The following CCBE1 variants were observed in gnomAD, a reference collection of about 807,000 sequenced individuals.
CCBE1 encodes collagen and calcium binding EGF domains 1, also known as collagen and calcium-binding EGF domain-containing protein 1.
CCBE1 carries 37 observed loss-of-function variants against 50.0 expected under a neutral mutation model. That is an observed-to-expected ratio of 0.74 (90% CI 0.57 to 0.97). CCBE1 has a LOEUF of 0.97. CCBE1 is among the 50% of genes least tolerant of loss of function. The pLI is 0.00. For missense variants in CCBE1, 538 were observed against 523.8 expected (o/e 1.03, Z -0.26); for synonymous variants, 234 against 203.7 (o/e 1.15, Z -1.27).
chr18:59,439,959 A>G (rs1238386481), intron 7 of CCBE1, 143 bp from the exon 8 acceptor site: 2 of 864,864 alleles, frequency 2.3e-6, no homozygotes, highest in East Asian at 5.2e-5. Flanking sequence ...AGGCTGTCCC[A>G]CAGGCATTTT....
intron 5 of CCBE1, among the ~76,000 whole-genome samples, chr18:59,462,235 G>A (rs960224671): frequency 2.0e-5 from 3 of 152,098 alleles, no homozygotes; most frequent in Non-Finnish European, 4.4e-5. Flanking sequence ...TCTGGACTCC[G>A]GCCGCTTCAT....
chr18:59,560,371 T>A (rs931445209), intron 2 of CCBE1, among the ~76,000 whole-genome samples: 1 of 152,200 alleles, frequency 6.6e-6, no homozygotes, highest in Non-Finnish European at 1.5e-5. Context: ...ACACCGCATG[T>A]TCTCACTCAT....
At chr18:59,528,969 C>T (rs1310977629) in intron 2 of CCBE1, among the ~76,000 whole-genome samples, 2 of 152,182 alleles carry the variant, frequency 1.3e-5, no homozygotes, top group African/African-American at 4.8e-5. Context: ...ACCTGCTTAA[C>T]GAAGCACTCT....
At chr18:59,600,476 C>G (rs1021921737) in intron 2 of CCBE1, among the ~76,000 whole-genome samples, 2 of 152,140 alleles carry the variant, frequency 1.3e-5, no homozygotes, top group African/African-American at 4.8e-5. Context: ...CATCCCCAAA[C>G]CATCCCCCAC....
chr18:59,623,657 C>T (rs1212511693), intron 2 of CCBE1, among the ~76,000 whole-genome samples: 2 of 152,168 alleles, frequency 1.3e-5, no homozygotes, highest in East Asian at 3.9e-4. Flanking sequence ...GAGACCCTTG[C>T]TACAGATCAG....
chr18:59,663,489 C>T (rs1291316837), intron 2 of CCBE1, among the ~76,000 whole-genome samples: 1 of 152,140 alleles, frequency 6.6e-6, no homozygotes, highest in Non-Finnish European at 1.5e-5. Flanking sequence ...AAATTCTTCA[C>T]TGATGCTGCA....
chr18:59,439,786 A>G lies in CCBE1; in HGVS notation c.806T>C (p.Phe269Ser), dbSNP rs1046411835. 1.2e-6 allele frequency: 2 copies of G among 1,614,040 alleles called. No individual in the cohort carries two copies. Among genetic ancestry groups the G allele is most frequent in the Admixed American group, 3.3e-5 (2 of 60,022 alleles). Residue 269 changes from phenylalanine (F) to serine (S), a missense_variant, in exon 8 of 11, where the codon TTC becomes TCC. Coordinates refer to ENST00000439986, the MANE Select transcript of CCBE1 (RefSeq NM_133459.4). ...CCCAGGAGGGCCTGGCATACCGGGG[A>G]AGCCTGGGCTTCCCTTTGGTCCTGG... ...GSPGPKGSPGFPGMPGPPGQP... is the reference protein window; with the variant it reads ...GSPGPKGSPGSPGMPGPPGQP...
At chr18:59,606,726 C>T (rs548248371) in intron 2 of CCBE1, among the ~76,000 whole-genome samples, 1 of 152,282 alleles carries the variant, frequency 6.6e-6, no homozygotes, top group East Asian at 1.9e-4. Context: ...AACCAATCAT[C>T]TTTTTATCTG....
At chr18:59,609,267 C>G (rs2053541291) in intron 2 of CCBE1, among the ~76,000 whole-genome samples, 1 of 152,166 alleles carries the variant, frequency 6.6e-6, no homozygotes, top group Admixed American at 6.5e-5. Context: ...CAGTGACTCT[C>G]AAAATTAGAT....
Position 59,434,598 on chromosome 18 carries a change from A to G in CCBE1, c.*1310T>C, listed in dbSNP as rs976275551. ...CACTCTAACTCACTAGGAGGTGGAG[A>G]TATAGACCTTTTTCTGAACTGCTTC... On this transcript the variant is annotated 3_prime_UTR_variant, in exon 11 of 11. Transcript: ENST00000439986. 6.6e-6 allele frequency: 1 copy of G among 152,216 alleles called. No homozygotes were observed. The highest frequency in any genetic ancestry group is 1.5e-5 in the Non-Finnish European group (1 of 68,040). 9.4% of individuals were successfully genotyped at this position (152,216 alleles called of 1,614,324 possible). A position where few individuals can be genotyped will look rare whatever the true frequency, so the allele number is the denominator to read the frequency against.
At chr18:59,555,112 A>G (rs1599008934) in intron 2 of CCBE1, among the ~76,000 whole-genome samples, 4 of 152,234 alleles carry the variant, frequency 2.6e-5, no homozygotes, top group Admixed American at 2.6e-4. Context: ...ATGTAAATTG[A>G]AAATGTGACC....
intron 2 of CCBE1, among the ~76,000 whole-genome samples, chr18:59,670,258 A>AT (rs974551794): frequency 1.3e-5 from 2 of 152,144 alleles, no homozygotes; most frequent in Admixed American, 6.5e-5. Flanking sequence ...TTTCATTACA[A>AT]TTTTTTTATC....
In CCBE1 at chr18:59,618,119, A is replaced by G. The variant is rs1254465544; in HGVS notation, c.212+78510T>C. Among the ~76,000 whole-genome samples the G allele has an allele frequency of 2.0e-5, 3 of 152,126 alleles. No individual in the cohort carries two copies. In the East Asian group the frequency reaches 5.8e-4, roughly 29 times the overall value. On this transcript the variant is annotated intron_variant, in intron 2 of 10. Transcript: ENST00000439986. ...CCCCATAACGATGGATTAACGTTCT[A>G]TGTTAATTTTAGGGTGGTTTCCAGG...
At chr18:59,590,541 C>T (rs1250518608) in intron 2 of CCBE1, among the ~76,000 whole-genome samples, 1 of 152,002 alleles carries the variant, frequency 6.6e-6, no homozygotes, top group Admixed American at 6.6e-5. Context: ...ACATGGAAAA[C>T]TGAACATGCA....
chr18:59,438,195 C>A (rs1440484446), intron 9 of CCBE1, 49 bp from the exon 10 acceptor site: 15 of 1,525,002 alleles, frequency 9.8e-6, no homozygotes, highest in African/African-American at 1.4e-5. Flanking sequence ...ATGGATATCA[C>A]AAGAATAGTC....
intron 2 of CCBE1, among the ~76,000 whole-genome samples, chr18:59,537,545 C>T (rs12959771): frequency 2.0e-5 from 3 of 152,162 alleles, no homozygotes; most frequent in Non-Finnish European, 2.9e-5. Context: ...CTTTTGCCTT[C>T]CACCATGATT....
chr18:59,630,873 T>A (rs1355590091), intron 2 of CCBE1, among the ~76,000 whole-genome samples: 1 of 152,202 alleles, frequency 6.6e-6, no homozygotes, highest in African/African-American at 2.4e-5. Context: ...ATTTCAGCCA[T>A]TAATTAAGCC....
At chr18:59,579,685 T>C (rs1030007842) in intron 2 of CCBE1, among the ~76,000 whole-genome samples, 3 of 152,232 alleles carry the variant, frequency 2.0e-5, no homozygotes, top group Admixed American at 1.3e-4. Flanking sequence ...GCCTGGAGCA[T>C]GCCAACAGAA....
chr18:59,619,170 T>C (rs1199022436), intron 2 of CCBE1, among the ~76,000 whole-genome samples: 2 of 152,252 alleles, frequency 1.3e-5, no homozygotes, highest in South Asian at 2.1e-4. Flanking sequence ...CATTATATAG[T>C]ACATGTTTAC....
Sources: allele counts gnomAD v4.1 joint callset (sites outside exome capture counted in the v4.1 genomes callset), GRCh38; gene constraint gnomAD v4.1.1; transcripts MANE v1.5; gene names NCBI Gene and HGNC (gene_info 2026-07-23, HGNC 2026-07-21).